OSBPL6: variants seen among roughly 807,000 people sequenced by gnomAD.
OSBPL6 encodes the protein oxysterol-binding protein-related protein 6.
A neutral mutation model predicts 125.8 loss-of-function variants in OSBPL6; 49 were observed. The ratio of observed to expected loss-of-function variants is 0.39; its 90% CI spans 0.31 to 0.49. The LOEUF (loss-of-function observed/expected upper bound fraction) is 0.49, where lower values mean the gene tolerates loss of function less well. OSBPL6 is among the 20% of genes least tolerant of loss of function. OSBPL6 has a pLI of 0.88. For missense variants in OSBPL6, 986 were observed against 1,135.4 expected, an observed-to-expected ratio of 0.87 and a Z score of 1.89; for synonymous variants, 394 against 391.8, an observed-to-expected ratio of 1.01 and a Z score of -0.07.
chr2:178,231,818 AAAAC>A (rs527808268), intron 1 of OSBPL6, among the ~76,000 whole-genome samples: 1 of 151,920 alleles, frequency 6.6e-6, no homozygotes, highest in Non-Finnish European at 1.5e-5. Flanking sequence ...CTCTAATTAA[AAAAC>A]AAACAAACAA....
At chr2:178,305,353 C>G (rs1686665164) in intron 2 of OSBPL6, among the ~76,000 whole-genome samples, 2 of 152,208 alleles carry the variant, frequency 1.3e-5, no homozygotes, top group African/African-American at 4.8e-5. Context: ...TGCAAACCTT[C>G]CTTACATGAA....
intron 11 of OSBPL6, among the ~76,000 whole-genome samples, chr2:178,340,990 A>G (rs1270910331): frequency 1.3e-5 from 2 of 152,230 alleles, no homozygotes; most frequent in African/African-American, 2.4e-5. Flanking sequence ...TGTTCATAAA[A>G]TTAATATTGT....
At chr2:178,238,698 G>T (rs943156802) in intron 1 of OSBPL6, among the ~76,000 whole-genome samples, 1 of 152,142 alleles carries the variant, frequency 6.6e-6, no homozygotes, top group South Asian at 2.1e-4. Context: ...GACAGAAAAG[G>T]CATTAAGGTT....
At chr2:178,294,455 C>T (rs946880199) in intron 2 of OSBPL6, among the ~76,000 whole-genome samples, 5 of 152,040 alleles carry the variant, frequency 3.3e-5, no homozygotes, top group African/African-American at 1.2e-4. Flanking sequence ...GATTGGAAAA[C>T]GTTTTTTGAA....
At chr2:178,216,296 A>G (rs1417747990) in intron 1 of OSBPL6, among the ~76,000 whole-genome samples, 1 of 152,204 alleles carries the variant, frequency 6.6e-6, no homozygotes, top group Non-Finnish European at 1.5e-5. Context: ...TTGAGAAAGC[A>G]GAGGTTTTTG....
At chr2:178,381,361 T>C (rs1246774613) in intron 15 of OSBPL6, among the ~76,000 whole-genome samples, 1 of 151,918 alleles carries the variant, frequency 6.6e-6, no homozygotes, top group Non-Finnish European at 1.5e-5. Flanking sequence ...AAGCCGTATT[T>C]CTTTTTTTTT....
intron 11 of OSBPL6, among the ~76,000 whole-genome samples, chr2:178,341,460 T>C (rs1018808646): frequency 3.3e-5 from 5 of 151,994 alleles, no homozygotes; most frequent in Non-Finnish European, 7.4e-5. Context: ...GGAGAAAATG[T>C]CCAAAAAGCT....
intron 1 of OSBPL6, among the ~76,000 whole-genome samples, chr2:178,231,818 A>AAAACAAAC (rs527808268): frequency 6.6e-6 from 1 of 151,920 alleles, no homozygotes; most frequent in Non-Finnish European, 1.5e-5. Context: ...CTCTAATTAA[A>AAAACAAAC]AAACAAACAA....
In OSBPL6 at chr2:178,332,744, A is replaced by G; in HGVS notation, c.476A>G (p.Tyr159Cys). The G allele has an allele frequency of 3.1e-6, 5 of 1,614,056 alleles. No individual in the cohort carries two copies. The highest frequency in any genetic ancestry group is 4.2e-6 in the Non-Finnish European group (5 of 1,179,924). Residue 159 changes from tyrosine (Y) to cysteine (C), a missense_variant, in exon 7 of 25, where the codon TAT becomes TGT. Tyr to Cys is a radical substitution (Grantham distance 194). Coordinates refer to ENST00000190611, the MANE Select transcript of OSBPL6 (RefSeq NM_032523.4). ...RIDLDTEEHI[Y>C]HLKVKSQDWF... ...GACCTTGACACCGAAGAGCACATCT[A>G]TCATTTGAAGGTGAAATCAGTTTTC...
intron 1 of OSBPL6, among the ~76,000 whole-genome samples, chr2:178,216,662 C>T (rs1160306758): frequency 6.6e-6 from 1 of 152,112 alleles, no homozygotes; most frequent in Non-Finnish European, 1.5e-5. Flanking sequence ...AGAATGGAGG[C>T]TTGAGGAACA....
intron 1 of OSBPL6, among the ~76,000 whole-genome samples, chr2:178,260,863 A>G (rs1461981137): frequency 6.6e-6 from 1 of 152,208 alleles, no homozygotes; most frequent in Admixed American, 6.5e-5. Flanking sequence ...ACTGATGCTT[A>G]GGCCAGATGC....
chr2:178,241,179 AT>A (rs796613101), intron 1 of OSBPL6, among the ~76,000 whole-genome samples: 188 of 69,558 alleles, frequency 2.7e-3, no homozygotes, highest in Admixed American at 3.5e-3. Flanking sequence ...TAGCACAGAT[AT>A]TTTTTTTTTT....
intron 13 of OSBPL6, among the ~76,000 whole-genome samples, chr2:178,370,197 C>T (rs561016841): frequency 2.6e-5 from 4 of 152,102 alleles, no homozygotes; most frequent in Non-Finnish European, 4.4e-5. Flanking sequence ...CCCAGGAGGC[C>T]GAGGTTGCAG....
intron 3 of OSBPL6, among the ~76,000 whole-genome samples, chr2:178,312,773 G>A (rs550275261): frequency 5.9e-5 from 9 of 152,122 alleles, no homozygotes; most frequent in East Asian, 3.9e-4. Context: ...ATTTTAAAAC[G>A]AAGGTTATTG....
At chr2:178,356,613 T>C (rs539502796) in intron 12 of OSBPL6, among the ~76,000 whole-genome samples, 3 of 152,270 alleles carry the variant, frequency 2.0e-5, no homozygotes, top group Admixed American at 6.5e-5. Context: ...GGAAGAACAT[T>C]CCATGCTCAT....
At chr2:178,325,715 AAGTACAT>A (rs1344412525) in intron 4 of OSBPL6, among the ~76,000 whole-genome samples, 1 of 152,206 alleles carries the variant, frequency 6.6e-6, no homozygotes, top group Non-Finnish European at 1.5e-5. Context: ...CAACTCATTG[AAGTACAT>A]ATCAATATTG....
At chr2:178,314,599 A>G (rs1284956160) in intron 3 of OSBPL6, among the ~76,000 whole-genome samples, 2 of 152,212 alleles carry the variant, frequency 1.3e-5, no homozygotes, top group African/African-American at 4.8e-5. Flanking sequence ...ACTGGGACCA[A>G]TTTTTGTTAC....
intron 13 of OSBPL6, among the ~76,000 whole-genome samples, chr2:178,368,672 G>T (rs1693080097): frequency 6.6e-6 from 1 of 150,972 alleles, no homozygotes; most frequent in South Asian, 2.1e-4. Context: ...GAGATCTTTG[G>T]CTTTGAGTAT....
chr2:178,399,544 A>G lies in OSBPL6; in HGVS notation c.*3985A>G, dbSNP rs538120384. On this transcript the variant is annotated 3_prime_UTR_variant, in exon 25 of 25. Coordinates refer to ENST00000190611, the MANE Select transcript of OSBPL6 (RefSeq NM_032523.4). ...ATTACGTCCAAAATGAGATCTAAAG[A>G]AGGAGGTCTTTAAAAATTGTTGTGA... is the stretch of plus-strand genomic sequence containing the variant. The G allele has an allele frequency of 6.6e-6, 1 of 152,358 alleles. No homozygotes were observed. The highest frequency in any genetic ancestry group is 1.5e-5 in the Non-Finnish European group (1 of 68,022). 9.4% of individuals were successfully genotyped at this position (152,358 alleles called of 1,614,324 possible).
Sources: gnomAD v4.1 joint callset for allele counts (sites outside exome capture counted in the v4.1 genomes callset) on GRCh38, gnomAD v4.1.1 for gene constraint, MANE v1.5 for transcripts, NCBI Gene and HGNC (gene_info 2026-07-23, HGNC 2026-07-21) for gene names.